Variants in NAALADL2 observed in about 807,000 individuals in gnomAD.
NAALADL2 encodes inactive N-acetylated-alpha-linked acidic dipeptidase-like protein 2.
NAALADL2 carries 76 observed loss-of-function variants against 87.2 expected under a neutral mutation model. The observed-to-expected ratio is 0.87, with a 90% CI of 0.72 to 1.05. NAALADL2 has a LOEUF of 1.05. NAALADL2 is among the 50% of genes least tolerant of loss of function. NAALADL2 has a pLI of 0.00. For missense variants in NAALADL2, 1,089 were observed against 945.8 expected, an observed-to-expected ratio of 1.15 and a Z score of -1.99; for synonymous variants, 354 against 331.0, an observed-to-expected ratio of 1.07 and a Z score of -0.75.
chr3:175,753,180 T>C (rs1583115557), intron 12 of NAALADL2, among the ~76,000 whole-genome samples: 1 of 152,166 alleles, frequency 6.6e-6, no homozygotes, highest in East Asian at 1.9e-4. Flanking sequence ...ATTTTATTCT[T>C]ACTGTTAATT....
chr3:175,567,343 G>C (rs541220440), intron 9 of NAALADL2, among the ~76,000 whole-genome samples: 1 of 152,110 alleles, frequency 6.6e-6, no homozygotes, highest in African/African-American at 2.4e-5. Context: ...CTAGAAGCTG[G>C]AGTAAAAATA....
chr3:175,157,514 T>A (rs1732500190), intron 2 of NAALADL2, among the ~76,000 whole-genome samples: 1 of 152,130 alleles, frequency 6.6e-6, no homozygotes, highest in Non-Finnish European at 1.5e-5. Context: ...TTGTTGTGTA[T>A]ATCTGTAAAA....
intron 5 of NAALADL2, among the ~76,000 whole-genome samples, chr3:175,380,824 G>T (rs534696825): frequency 6.6e-6 from 1 of 151,906 alleles, no homozygotes; most frequent in Non-Finnish European, 1.5e-5. Flanking sequence ...CAGAGTATAC[G>T]AACTCTGTGT....
intron 13 of NAALADL2, among the ~76,000 whole-genome samples, chr3:175,785,147 G>A (rs1283879705): frequency 1.3e-5 from 2 of 150,344 alleles, no homozygotes; most frequent in Admixed American, 6.6e-5. Context: ...TTTGGAATAG[G>A]TGTGGTGTGG....
rs1236290256 is a variant in NAALADL2, at chr3:175,698,500, TATAA to T, written c.1897-38804_1897-38801del. Among the ~76,000 whole-genome samples the T allele has an allele frequency of 9.0e-5, 13 of 144,344 alleles. 1 individual carries two copies. Among genetic ancestry groups the T allele is most frequent in the African/African-American group, 2.6e-4 (10 of 39,116 alleles). 94.7% of individuals were successfully genotyped at this position (144,344 alleles called of 152,430 possible). On this transcript the variant is annotated intron_variant, in intron 11 of 13. Transcript: ENST00000454872. ...ATATATATTTATATATATATATATA[TATAA>T]AATCTCCAAGCAAATTCCTATGTAC...
intron 4 of NAALADL2, among the ~76,000 whole-genome samples, chr3:175,266,004 A>T (rs1355476095): frequency 6.6e-6 from 1 of 150,776 alleles, no homozygotes; most frequent in Non-Finnish European, 1.5e-5. Flanking sequence ...ATAGTTAAGA[A>T]TAAAGCTTTT....
In NAALADL2 at chr3:175,127,614, AT is replaced by A. The variant is rs573604378; in HGVS notation, c.545+30324del. On this transcript the variant is annotated intron_variant, in intron 2 of 13. Coordinates refer to ENST00000454872, the MANE Select transcript of NAALADL2 (RefSeq NM_207015.3). Reference sequence around the variant, plus strand: ...TTAATTACACATTTTGTGACCCCTTATCTGGAAATATTACTATTAAGTACTC... The same window carrying A: ...TTAATTACACATTTTGTGACCCCTTACTGGAAATATTACTATTAAGTACTC... 2.3e-3 allele frequency among the ~76,000 whole-genome samples: 349 copies of A among 152,200 alleles called. 1 individual carries two copies. The highest frequency in any genetic ancestry group is 3.6e-3 in the Non-Finnish European group (247 of 68,016).
chr3:175,099,271 A>G (rs1721706949), intron 2 of NAALADL2, among the ~76,000 whole-genome samples: 1 of 152,214 alleles, frequency 6.6e-6, no homozygotes, highest in African/African-American at 2.4e-5. Flanking sequence ...GGTAAGGATT[A>G]CATTCCAGTC....
intron 2 of NAALADL2, among the ~76,000 whole-genome samples, chr3:175,128,528 T>C (rs1455900878): frequency 6.6e-6 from 1 of 152,202 alleles, no homozygotes; most frequent in Non-Finnish European, 1.5e-5. Context: ...TTGATTTTGT[T>C]CTGTATTCTC....
chr3:175,325,270 T>C (rs191180391), intron 5 of NAALADL2, among the ~76,000 whole-genome samples: 9 of 152,336 alleles, frequency 5.9e-5, no homozygotes, highest in Non-Finnish European at 2.9e-5. Flanking sequence ...AGGAAGCAAA[T>C]TGAATCACAT....
intron 1 of NAALADL2, among the ~76,000 whole-genome samples, chr3:175,017,286 G>A (rs746942130): frequency 3.3e-4 from 50 of 151,712 alleles, no homozygotes; most frequent in Admixed American, 2.9e-3. Context: ...CACTATTTTC[G>A]AAGTTCCTGT....
intron 2 of NAALADL2, among the ~76,000 whole-genome samples, chr3:174,660,570 C>A (rs553488803): frequency 6.6e-6 from 1 of 152,188 alleles, no homozygotes; most frequent in East Asian, 1.9e-4. Flanking sequence ...CAATATGCTG[C>A]ATCTCTGAGG....
At chr3:175,484,345 G>C (rs145072969) in intron 9 of NAALADL2, among the ~76,000 whole-genome samples, 1 of 151,908 alleles carries the variant, frequency 6.6e-6, no homozygotes, top group East Asian at 1.9e-4. Context: ...AATTATTTGC[G>C]AATGCTATGT....
intron 1 of NAALADL2, among the ~76,000 whole-genome samples, chr3:174,443,431 G>C (rs554011285): frequency 6.6e-6 from 1 of 152,328 alleles, no homozygotes; most frequent in South Asian, 2.1e-4. Context: ...GGAAAGATAA[G>C]AGTTTCTGTT....
chr3:175,374,971 G>C (rs1362494522), intron 5 of NAALADL2, among the ~76,000 whole-genome samples: 2 of 152,048 alleles, frequency 1.3e-5, no homozygotes, highest in African/African-American at 4.8e-5. Context: ...TTTGTGTAAG[G>C]TGTGCTTGAA....
At chr3:175,569,664 G>T (rs1390927683) in intron 9 of NAALADL2, among the ~76,000 whole-genome samples, 1 of 151,948 alleles carries the variant, frequency 6.6e-6, no homozygotes, top group Non-Finnish European at 1.5e-5. Flanking sequence ...AGGATACCAC[G>T]GGAAAACTGG....
intron 2 of NAALADL2, among the ~76,000 whole-genome samples, chr3:174,581,488 C>A (rs1716161943): frequency 6.6e-6 from 1 of 151,872 alleles, no homozygotes; most frequent in Non-Finnish European, 1.5e-5. Flanking sequence ...AAAGTGCAAG[C>A]AACTTATTAT....
Position 175,467,227 on chromosome 3 carries a change from A to T in NAALADL2, c.1533+43A>T, listed in dbSNP as rs757665126. The T allele has an allele frequency of 2.0e-6, 3 of 1,515,224 alleles. No homozygotes were observed. The African/African-American group carries it at 4.1e-5, about 21-fold the overall frequency. 93.9% of individuals were successfully genotyped at this position (1,515,224 alleles called of 1,614,324 possible). ...TTAATTACAGTGCTTTTCTTTTCTT[A>T]GTTTGCTAAAGTAGACAAAGTAAAA... On this transcript the variant is annotated intron_variant, in intron 8 of 13. Coordinates refer to ENST00000454872, the MANE Select transcript of NAALADL2 (RefSeq NM_207015.3).
intron 1 of NAALADL2, among the ~76,000 whole-genome samples, chr3:174,939,048 A>G (rs981645476): frequency 3.3e-5 from 5 of 151,922 alleles, no homozygotes; most frequent in Non-Finnish European, 7.4e-5. Flanking sequence ...TTTTGTTGTC[A>G]TTGCTTTTGG....
Sources: allele counts gnomAD v4.1 joint callset (sites outside exome capture counted in the v4.1 genomes callset), GRCh38; gene constraint gnomAD v4.1.1; transcripts MANE v1.5; gene names NCBI Gene and HGNC (gene_info 2026-07-23, HGNC 2026-07-21).